Variants in WDR19 observed in about 807,000 individuals in gnomAD.
WDR19 encodes WD repeat domain 19, also known as WD repeat-containing protein 19.
A neutral mutation model predicts 180.0 loss-of-function variants in WDR19; 121 were observed. The observed-to-expected ratio is 0.67, with a 90% CI of 0.58 to 0.78. WDR19 has a LOEUF of 0.78. Ranked by LOEUF, WDR19 falls within the 30% of genes least tolerant of loss-of-function variation. WDR19 has a pLI of 0.00. For missense variants in WDR19, 1,450 were observed against 1,640.7 expected (o/e 0.88, Z 2.01); for synonymous variants, 497 against 540.7 (o/e 0.92, Z 1.12).
intron 13 of WDR19, 52 bp from the exon 14 acceptor site, chr4:39,217,931 A>G (rs2109331536): frequency 1.9e-6 from 3 of 1,602,670 alleles, no homozygotes; most frequent in Non-Finnish European, 2.6e-6. Context: ...GATGTTGTAT[A>G]GATGGTTTAC....
chr4:39,209,177 A>G (rs559971841), intron 9 of WDR19, among the ~76,000 whole-genome samples: 10 of 152,356 alleles, frequency 6.6e-5, no homozygotes, highest in African/African-American at 2.2e-4. Flanking sequence ...TAATGGAATC[A>G]AACTAGAAGT....
At chr4:39,237,982 A>G (rs531257653) in intron 20 of WDR19, 1 of 152,344 alleles carries the variant, frequency 6.6e-6, no homozygotes, top group South Asian at 2.1e-4. Context: ...AGATGAATTG[A>G]GTTCAATTGA....
intron 24 of WDR19, among the ~76,000 whole-genome samples, chr4:39,252,868 T>C (rs1733378953): frequency 6.6e-6 from 1 of 151,958 alleles, no homozygotes; most frequent in South Asian, 2.1e-4. Context: ...TCTTCCTACT[T>C]AAAAGGAAAA....
chr4:39,273,147 A>G (rs978022840), intron 32 of WDR19, 86 bp downstream of exon 32: 8 of 1,001,000 alleles, frequency 8.0e-6, no homozygotes, highest in Non-Finnish European at 1.2e-5. Context: ...GGCTCCCCTC[A>G]TACACTAACT....
In WDR19 at chr4:39,266,139, A is replaced by G. The variant is rs1734770068; in HGVS notation, c.3260A>G (p.Lys1087Arg). The change falls in exon 29 of 37, where the codon AAG (lysine) becomes AGG (arginine). Residue 1087 changes from lysine to arginine, a missense_variant and splice_region_variant. Physicochemically the swap from Lys to Arg is conservative, Grantham distance 26 (BLOSUM62 2). Transcript: ENST00000399820. ...CTGGGGGAGAACGATGGCATGCCTA[A>G]GGTACTGAACACGTGGGCTTCGTGT... Reference protein sequence around the residue: ...HLLGENDGMPKDAKYLFRLYM... With the variant: ...HLLGENDGMPRDAKYLFRLYM... 4 of 1,561,036 alleles carry G rather than the reference A, an allele frequency of 2.6e-6. No individual in the cohort carries two copies. The highest frequency in any genetic ancestry group is 3.5e-6 in the Non-Finnish European group (4 of 1,152,144).
intron 27 of WDR19, among the ~76,000 whole-genome samples, chr4:39,256,742 A>C: frequency 6.6e-6 from 1 of 152,018 alleles, no homozygotes; most frequent in East Asian, 1.9e-4. Context: ...AGAACTCCCT[A>C]ATCTGGCACC....
intron 9 of WDR19, among the ~76,000 whole-genome samples, chr4:39,212,739 A>C (rs1168914567): frequency 6.6e-6 from 1 of 152,244 alleles, no homozygotes; most frequent in East Asian, 1.9e-4. Context: ...AAGGACTCTC[A>C]AGACCCAACA....
intron 26 of WDR19, 109 bp downstream of exon 26, chr4:39,254,139 T>C (rs1733530961): frequency 1.2e-5 from 13 of 1,124,174 alleles, no homozygotes; most frequent in Admixed American, 3.0e-5. Context: ...GCGCCTGGTG[T>C]AAATGTTTAC....
At chr4:39,215,161 G>T (rs1728937182) in intron 10 of WDR19, among the ~76,000 whole-genome samples, 1 of 152,212 alleles carries the variant, frequency 6.6e-6, no homozygotes, top group Non-Finnish European at 1.5e-5. Context: ...TGACTAGAAA[G>T]ATATGTCTAC....
intron 20 of WDR19, among the ~76,000 whole-genome samples, chr4:39,236,474 C>T (rs993127845): frequency 2.6e-5 from 4 of 152,138 alleles, no homozygotes; most frequent in African/African-American, 9.7e-5. Context: ...AGAGGAATAA[C>T]AGACACTGGA....
intron 28 of WDR19, among the ~76,000 whole-genome samples, chr4:39,262,874 A>G (rs886796510): frequency 6.6e-6 from 1 of 152,138 alleles, no homozygotes; most frequent in Non-Finnish European, 1.5e-5. Context: ...GTGAAAACAG[A>G]TGATACAAGT....
Position 39,253,962 on chromosome 4 carries a change from A to G in WDR19, c.2933A>G (p.Lys978Arg), listed in dbSNP as rs1733508675. 1 of 1,611,940 alleles carries G rather than the reference A, an allele frequency of 6.2e-7. No individual in the cohort carries two copies. The highest frequency in any genetic ancestry group is 1.3e-5 in the African/African-American group (1 of 74,860). The change falls in exon 26 of 37, where the codon AAA becomes AGA. Residue 978 changes from lysine to arginine, a missense_variant. Lys to Arg is a conservative substitution (Grantham distance 26). Coordinates refer to ENST00000399820, the MANE Select transcript of WDR19 (RefSeq NM_025132.4). ...GCCATCCAGTTTCTTGTCATGTCCAAATGCAACAATGAAGCTTTCACACTG... is the reference window on the plus strand; with the variant it reads ...GCCATCCAGTTTCTTGTCATGTCCAGATGCAACAATGAAGCTTTCACACTG... Reference protein sequence around the residue: ...GSAIQFLVMSKCNNEAFTLAQ... With the variant: ...GSAIQFLVMSRCNNEAFTLAQ...
intron 4 of WDR19, among the ~76,000 whole-genome samples, chr4:39,190,007 T>G (rs6814134): frequency 6.6e-6 from 1 of 152,156 alleles, no homozygotes; most frequent in Non-Finnish European, 1.5e-5. Flanking sequence ...GACTAAGAAG[T>G]GCAGAGATGA....
intron 31 of WDR19, among the ~76,000 whole-genome samples, chr4:39,271,162 G>T (rs1735334434): frequency 6.6e-6 from 1 of 152,180 alleles, no homozygotes; most frequent in South Asian, 2.1e-4. Flanking sequence ...CTCCCAAAGT[G>T]CTGGGATTAC....
chr4:39,236,740 A>G (rs574169134), intron 20 of WDR19, among the ~76,000 whole-genome samples: 1 of 152,210 alleles, frequency 6.6e-6, no homozygotes, highest in South Asian at 2.1e-4. Context: ...CTTGAGTAAT[A>G]GTCCTTTATG....
chr4:39,190,144 T>C (rs1337913630), intron 4 of WDR19, among the ~76,000 whole-genome samples: 2 of 152,202 alleles, frequency 1.3e-5, no homozygotes, highest in Non-Finnish European at 2.9e-5. Flanking sequence ...ATATTGACTT[T>C]ATTCTAAATC....
intron 21 of WDR19, 103 bp downstream of exon 21, chr4:39,240,437 C>A (rs1577965887): frequency 3.4e-6 from 2 of 592,310 alleles, no homozygotes; most frequent in Non-Finnish European, 5.0e-6. Context: ...TAATATCTAG[C>A]AGGTGAGTGT....
At chr4:39,213,474 C>A (rs972409667) in intron 9 of WDR19, among the ~76,000 whole-genome samples, 1 of 152,148 alleles carries the variant, frequency 6.6e-6, no homozygotes, top group African/African-American at 2.4e-5. Flanking sequence ...CCAGTCTCAA[C>A]AGGTTGCATA....
In WDR19 at chr4:39,244,297, T is replaced by C; in HGVS notation, c.2471T>C (p.Met824Thr). Residue 824 changes from methionine (M) to threonine (T), a missense_variant, in exon 22 of 37, where the codon ATG becomes ACG. Transcript: ENST00000399820. The part of the protein sequence containing the change: ...LAGVAQMSIR[M>T]GDIRRGVNQA... ...GGAGTGGCCCAGATGTCCATAAGAATGGGAGACATACGTCGAGGGGTTAAC... is the reference window on the plus strand; with the variant it reads ...GGAGTGGCCCAGATGTCCATAAGAACGGGAGACATACGTCGAGGGGTTAAC... 1.2e-6 allele frequency: 2 copies of C among 1,613,914 alleles called. No homozygotes were observed. Among genetic ancestry groups the C allele is most frequent in the Non-Finnish European group, 1.7e-6 (2 of 1,179,844 alleles).
Sources: gnomAD v4.1 joint callset for allele counts (sites outside exome capture counted in the v4.1 genomes callset) on GRCh38, gnomAD v4.1.1 for gene constraint, MANE v1.5 for transcripts, NCBI Gene and HGNC (gene_info 2026-07-23, HGNC 2026-07-21) for gene names.